WFDC10B: variants seen among roughly 807,000 people sequenced by gnomAD.
WFDC10B encodes protein WFDC10B.
Under a neutral mutation model 2.7 loss-of-function variants are expected in WFDC10B, and 1 was observed. The observed-to-expected ratio is 0.38, with a 90% confidence interval of 0.13 to 1.79. WFDC10B has a LOEUF of 1.79. WFDC10B is among the 40% of genes most tolerant of loss of function. The pLI is 0.33. For missense variants in WFDC10B, 71 were observed against 87.8 expected (o/e 0.81, Z 0.76); for synonymous variants, 26 against 32.2 (o/e 0.81, Z 0.65).
intron 2 of WFDC10B, among the ~76,000 whole-genome samples, chr20:45,695,565 T>C (rs972833994): frequency 1.3e-5 from 2 of 152,064 alleles, no homozygotes; most frequent in African/African-American, 4.8e-5. Context: ...CAAACTATCT[T>C]CTCCAGCCAC....
At chr20:45,693,616 A>G (rs1983887880) in intron 2 of WFDC10B, among the ~76,000 whole-genome samples, 2 of 152,140 alleles carry the variant, frequency 1.3e-5, no homozygotes, top group Admixed American at 6.5e-5. Flanking sequence ...CTCGGTGGGC[A>G]TAGGACCCTC....
At chr20:45,687,386 C>A (rs562453596) in intron 2 of WFDC10B, among the ~76,000 whole-genome samples, 34 of 152,198 alleles carry the variant, frequency 2.2e-4, no homozygotes, top group African/African-American at 7.9e-4. Context: ...TGTATATGTA[C>A]CATATTTTCT....
chr20:45,685,463 C>G (rs749653732), intron 3 of WFDC10B, among the ~76,000 whole-genome samples: 32 of 152,278 alleles, frequency 2.1e-4, no homozygotes, highest in Non-Finnish European at 7.4e-5. Flanking sequence ...TAACTTTGCC[C>G]TGTATACTCC....
At chr20:45,698,473 A>G (rs1984044077) in intron 2 of WFDC10B, among the ~76,000 whole-genome samples, 1 of 152,070 alleles carries the variant, frequency 6.6e-6, no homozygotes, top group African/African-American at 2.4e-5. Context: ...AATGACTATC[A>G]AAAAAGTGAA....
chr20:45,702,080 C>T, intron 2 of WFDC10B: 2 of 1,586,284 alleles, frequency 1.3e-6, no homozygotes, highest in Non-Finnish European at 1.7e-6. Flanking sequence ...TGGTCAAACC[C>T]AGCAACCCTT....
chr20:45,689,874 C>G (rs1983751599), intron 2 of WFDC10B, among the ~76,000 whole-genome samples: 1 of 152,128 alleles, frequency 6.6e-6, no homozygotes, highest in Non-Finnish European at 1.5e-5. Context: ...ACTTCCAACA[C>G]TATGTTGAAT....
intron 3 of WFDC10B, among the ~76,000 whole-genome samples, 171 bp from the exon 4 acceptor site, chr20:45,685,131 A>G (rs1983565795): frequency 6.6e-6 from 1 of 151,994 alleles, no homozygotes; most frequent in Admixed American, 6.5e-5. Flanking sequence ...GATTGGCAGT[A>G]TCTTAAATCC....
At chr20:45,700,255 C>T (rs1288553025) in intron 2 of WFDC10B, among the ~76,000 whole-genome samples, 2 of 152,038 alleles carry the variant, frequency 1.3e-5, no homozygotes, top group Non-Finnish European at 2.9e-5. Flanking sequence ...TGGGTATATT[C>T]GTGCAAGAAA....
At chr20:45,698,025 T>G (rs1984032856) in intron 2 of WFDC10B, among the ~76,000 whole-genome samples, 1 of 152,198 alleles carries the variant, frequency 6.6e-6, no homozygotes, top group Non-Finnish European at 1.5e-5. Flanking sequence ...ATTATAGGTG[T>G]GAGCCACCAC....
chr20:45,698,515 G>GA (rs1395940114), intron 2 of WFDC10B, among the ~76,000 whole-genome samples: 1 of 144,186 alleles, frequency 6.9e-6, no homozygotes, highest in African/African-American at 2.6e-5. Context: ...GAAAATATTT[G>GA]AAAAAATCAT....
At chr20:45,698,591 A>AAAAAAAC (rs1568673619) in intron 2 of WFDC10B, among the ~76,000 whole-genome samples, 1 of 148,232 alleles carries the variant, frequency 6.7e-6, no homozygotes, top group Non-Finnish European at 1.5e-5. Flanking sequence ...AAAAAAAAAA[A>AAAAAAAC]CCCAATTACA....
chr20:45,693,427 A>G (rs1983879813), intron 2 of WFDC10B, among the ~76,000 whole-genome samples: 1 of 152,222 alleles, frequency 6.6e-6, no homozygotes, highest in African/African-American at 2.4e-5. Flanking sequence ...CCCTGCCCCC[A>G]GAGGTGGAGC....
chr20:45,690,368 G>A (rs1983771364), intron 2 of WFDC10B, among the ~76,000 whole-genome samples: 1 of 152,074 alleles, frequency 6.6e-6, no homozygotes, highest in South Asian at 2.1e-4. Context: ...ATGAGTTAGG[G>A]AGGATTCCCT....
chr20:45,687,155 C>T (rs533722423), intron 2 of WFDC10B, among the ~76,000 whole-genome samples: 1 of 152,254 alleles, frequency 6.6e-6, no homozygotes, highest in South Asian at 2.1e-4. Flanking sequence ...TGATGCTCTC[C>T]CTCCTATGAC....
At chr20:45,694,209 G>A (rs559786560) in intron 2 of WFDC10B, among the ~76,000 whole-genome samples, 30 of 152,266 alleles carry the variant, frequency 2.0e-4, no homozygotes, top group African/African-American at 6.7e-4. Context: ...CTTTGCCAAT[G>A]CCTATGTCCT....
intron 2 of WFDC10B, among the ~76,000 whole-genome samples, chr20:45,698,699 G>A (rs890443289): frequency 6.6e-6 from 1 of 152,166 alleles, no homozygotes; most frequent in Non-Finnish European, 1.5e-5. Flanking sequence ...GGGCACGGTG[G>A]CTCATGCCTG....
At position 45,704,936 on chromosome 20, in the gene WFDC10B, T is replaced by C; in HGVS notation, c.-148A>G. On this transcript the variant is annotated 5_prime_UTR_variant, in exon 1 of 4. Transcript: ENST00000330523. ...ACTGTACCTGCAGGTGTAACCAAAATCCCAAAGCAAAATTTGTCCTACACT... is the reference window on the plus strand; with the variant it reads ...ACTGTACCTGCAGGTGTAACCAAAACCCCAAAGCAAAATTTGTCCTACACT... The C allele has an allele frequency of 6.2e-7, 1 of 1,614,032 alleles. No homozygotes were observed. The highest frequency in any genetic ancestry group is 1.3e-5 in the African/African-American group (1 of 75,004).
At chr20:45,686,545 G>A (rs1328044865) in intron 2 of WFDC10B, among the ~76,000 whole-genome samples, 1 of 151,908 alleles carries the variant, frequency 6.6e-6, no homozygotes, top group Non-Finnish European at 1.5e-5. Context: ...TTTTTGGGGG[G>A]GGGCGGTGAA....
intron 3 of WFDC10B, among the ~76,000 whole-genome samples, chr20:45,685,196 A>G (rs1004859888): frequency 1.3e-5 from 2 of 151,764 alleles, no homozygotes; most frequent in Non-Finnish European, 2.9e-5. Flanking sequence ...GGCTTCCTGG[A>G]CTCTCGCCAT....
Sources: gnomAD v4.1 joint callset for allele counts (sites outside exome capture counted in the v4.1 genomes callset) on GRCh38, gnomAD v4.1.1 for gene constraint, MANE v1.5 for transcripts, NCBI Gene and HGNC (gene_info 2026-07-23, HGNC 2026-07-21) for gene names.